Variants in SORCS1 observed in about 807,000 individuals in gnomAD.
The protein encoded by SORCS1 is VPS10 domain-containing receptor SorCS1.
In SORCS1, 60 loss-of-function variants were observed where a neutral mutation model predicts 146.1. The ratio of observed to expected loss-of-function variants is 0.41; its 90% CI spans 0.33 to 0.51. SORCS1 has a LOEUF of 0.51. SORCS1 is among the 20% of genes least tolerant of loss of function. The pLI is 0.21. For synonymous variants in SORCS1, 637 were observed against 584.0 expected, an observed-to-expected ratio of 1.09 and a Z score of -1.31; for missense variants, 1,352 against 1,487.6, an observed-to-expected ratio of 0.91 and a Z score of 1.50.
chr10:107,047,870 C>G (rs528848849), intron 1 of SORCS1, among the ~76,000 whole-genome samples: 42 of 152,046 alleles, frequency 2.8e-4, no homozygotes, highest in Admixed American at 2.7e-3. Flanking sequence ...TGCCTAAGCT[C>G]AGGAGTTCGA....
At chr10:106,830,592 T>TAA (rs142485362) in intron 2 of SORCS1, among the ~76,000 whole-genome samples, 3 of 146,140 alleles carry the variant, frequency 2.1e-5, no homozygotes, top group Admixed American at 6.8e-5. Context: ...TTTTTTTTTT[T>TAA]AAAAAAATTT....
chr10:106,908,839 T>A (rs114247118), intron 2 of SORCS1, among the ~76,000 whole-genome samples: 2,372 of 152,280 alleles, frequency 0.016, 75 homozygotes, highest in African/African-American at 0.054. Flanking sequence ...CCAATCTACA[T>A]CTATGGAAGC....
At chr10:107,101,557 C>G (rs1306121304) in intron 1 of SORCS1, among the ~76,000 whole-genome samples, 6 of 152,158 alleles carry the variant, frequency 3.9e-5, no homozygotes, top group Non-Finnish European at 8.8e-5. Flanking sequence ...TGTGCTTCAC[C>G]TAGACAGCCC....
At chr10:106,861,966 A>G (rs1313642356) in intron 2 of SORCS1, among the ~76,000 whole-genome samples, 2 of 152,210 alleles carry the variant, frequency 1.3e-5, no homozygotes, top group Admixed American at 1.3e-4. Context: ...TTCACCATAG[A>G]TGATGAGATT....
At chr10:106,690,551 A>T (rs1853221255) in intron 9 of SORCS1, among the ~76,000 whole-genome samples, 1 of 152,146 alleles carries the variant, frequency 6.6e-6, no homozygotes, top group Admixed American at 6.5e-5. Flanking sequence ...ACTGCTTGGC[A>T]TTATCAAATG....
chr10:106,992,822 CTTTCTT>C (rs1956822069), intron 1 of SORCS1, among the ~76,000 whole-genome samples: 1 of 98,792 alleles, frequency 1.0e-5, no homozygotes, highest in Non-Finnish European at 1.8e-5. Context: ...TCCTTTCTTT[CTTTCTT>C]TTTTTTTTTT....
chr10:106,807,931 C>T (rs1355161796), intron 3 of SORCS1, among the ~76,000 whole-genome samples: 1 of 152,260 alleles, frequency 6.6e-6, no homozygotes, highest in Non-Finnish European at 1.5e-5. Context: ...CTCTTCTCTT[C>T]CAATGAGTCC....
chr10:107,033,705 T>A (rs1958769686), intron 1 of SORCS1, among the ~76,000 whole-genome samples: 1 of 152,224 alleles, frequency 6.6e-6, no homozygotes, highest in African/African-American at 2.4e-5. Flanking sequence ...ATTAACAGTA[T>A]AAAGAAAGCG....
chr10:106,931,391 A>T (rs186305093), intron 2 of SORCS1, among the ~76,000 whole-genome samples: 3 of 152,378 alleles, frequency 2.0e-5, no homozygotes, highest in African/African-American at 7.2e-5. Context: ...ATGGAGCTAC[A>T]AAAACAACTG....
intron 2 of SORCS1, among the ~76,000 whole-genome samples, chr10:106,904,976 T>C (rs2418821): frequency 0.48 from 72,355 of 152,004 alleles, 17,954 homozygotes; most frequent in African/African-American, 0.62. Context: ...AAAATGCAAA[T>C]ATTGCTGTCA....
chr10:106,838,971 T>C (rs998324417), intron 2 of SORCS1, among the ~76,000 whole-genome samples: 1 of 152,176 alleles, frequency 6.6e-6, no homozygotes, highest in Non-Finnish European at 1.5e-5. Flanking sequence ...TCAATAAATA[T>C]TATGTATGTT....
upstream of SORCS1, among the ~76,000 whole-genome samples, chr10:107,167,999 T>C (rs1326302002): frequency 6.6e-6 from 1 of 152,176 alleles, no homozygotes; most frequent in East Asian, 1.9e-4. Flanking sequence ...TTGTAACTGC[T>C]TAATACTTCC....
chr10:106,884,763 G>A (rs1589628456), intron 2 of SORCS1, among the ~76,000 whole-genome samples: 1 of 152,262 alleles, frequency 6.6e-6, no homozygotes, highest in East Asian at 1.9e-4. Flanking sequence ...GTTTTTAAAA[G>A]AAGACTTGAA....
chr10:106,688,443 CT>C, intron 9 of SORCS1, 105 bp from the exon 10 acceptor site: 2 of 1,288,652 alleles, frequency 1.6e-6, no homozygotes, highest in Admixed American at 4.9e-5. Flanking sequence ...GAGCACTTGC[CT>C]TGGAGGAAAG....
intron 2 of SORCS1, among the ~76,000 whole-genome samples, chr10:106,954,645 C>T (rs1954848091): frequency 6.6e-6 from 1 of 152,162 alleles, no homozygotes; most frequent in Non-Finnish European, 1.5e-5. Flanking sequence ...GTACAAATCC[C>T]TTAGCGTAGA....
chr10:107,115,898 A>G (rs1966009161), intron 1 of SORCS1, among the ~76,000 whole-genome samples: 1 of 152,118 alleles, frequency 6.6e-6, no homozygotes, highest in Non-Finnish European at 1.5e-5. Context: ...ATACAACTCA[A>G]TAGCAAAAAA....
intron 1 of SORCS1, among the ~76,000 whole-genome samples, chr10:107,011,808 A>T (rs753591449): frequency 1.8e-4 from 27 of 152,200 alleles, no homozygotes; most frequent in Non-Finnish European, 2.4e-4. Context: ...ACTGTATGCC[A>T]TGGAGATCCT....
upstream of SORCS1, among the ~76,000 whole-genome samples, chr10:107,168,811 A>G (rs918946403): frequency 6.6e-6 from 1 of 152,028 alleles, no homozygotes; most frequent in East Asian, 1.9e-4. Flanking sequence ...TCTTATTCCC[A>G]GTATGTTCTT....
chr10:107,159,481 A>G (rs1001908429), intron 1 of SORCS1, among the ~76,000 whole-genome samples: 9 of 152,216 alleles, frequency 5.9e-5, no homozygotes, highest in African/African-American at 2.2e-4. Context: ...TTCCCAGTAG[A>G]GAAATCTTTC....
Sources: gnomAD v4.1 joint callset for allele counts (sites outside exome capture counted in the v4.1 genomes callset) on GRCh38, gnomAD v4.1.1 for gene constraint, MANE v1.5 for transcripts, NCBI Gene and HGNC (gene_info 2026-07-23, HGNC 2026-07-21) for gene names.